The following ASB7 variants were observed in gnomAD, a reference collection of about 807,000 sequenced individuals.
The protein encoded by ASB7 is ankyrin repeat and SOCS box protein 7.
ASB7 carries 4 observed loss-of-function variants against 32.5 expected under a neutral mutation model. That is an observed-to-expected ratio of 0.12 (90% CI 0.06 to 0.28). The LOEUF is 0.28. ASB7 is among the 10% of genes least tolerant of loss of function. The pLI, the probability that ASB7 is intolerant of heterozygous loss-of-function variation, is 1.00. For synonymous variants in ASB7, 172 were observed against 155.6 expected (o/e 1.11, Z -0.78); for missense variants, 181 against 407.1 (o/e 0.44, Z 4.78).
chr15:100,604,506 C>A lies in ASB7; in HGVS notation c.-174+1193C>A, dbSNP rs1309976020. Among the ~76,000 whole-genome samples the A allele has an allele frequency of 2.0e-5, 3 of 152,078 alleles. No homozygotes were observed. In the East Asian group the frequency reaches 5.8e-4, roughly 29 times the overall value. On this transcript the variant is annotated intron_variant, in intron 2 of 5. Transcript: ENST00000332783. ...TTAATATTTTTGATTTCCTATGTTC[C>A]ACTGGACTTTCTGCCCTCCACAAAA...
At chr15:100,626,196 G>A (rs1041853989) in intron 4 of ASB7, among the ~76,000 whole-genome samples, 1 of 152,022 alleles carries the variant, frequency 6.6e-6, no homozygotes, top group Admixed American at 6.6e-5. Context: ...AAATGAAAAA[G>A]CACGCAACAA....
rs1001015336 is a variant in ASB7 at position 100,618,846 on chromosome 15, T to C, written c.211+6419T>C. 1.4e-4 allele frequency among the ~76,000 whole-genome samples: 21 copies of C among 152,208 alleles called. 1 individual carries two copies. The highest frequency in any genetic ancestry group is 1.3e-3 in the Admixed American group (20 of 15,278). ...CGTCATTTGCTGGGGGATGGAGTTA[T>C]AGCCAACATTTATTGAGGGTTTAGT... On this transcript the variant is annotated intron_variant, in intron 4 of 5. Coordinates refer to ENST00000332783, the MANE Select transcript of ASB7 (RefSeq NM_198243.3).
intron 2 of ASB7, among the ~76,000 whole-genome samples, chr15:100,605,992 G>T (rs1475606439): frequency 6.6e-6 from 1 of 152,140 alleles, no homozygotes; most frequent in African/African-American, 2.4e-5. Context: ...ATTTGTTTTG[G>T]ATCATAACCA....
intron 5 of ASB7, among the ~76,000 whole-genome samples, chr15:100,644,750 T>TA (rs2039986199): frequency 6.6e-6 from 1 of 152,194 alleles, no homozygotes; most frequent in South Asian, 2.1e-4. Context: ...AATCCTGACA[T>TA]AGTCTCCTGT....
chr15:100,605,967 A>G (rs982767608), intron 2 of ASB7, among the ~76,000 whole-genome samples: 26 of 152,206 alleles, frequency 1.7e-4, no homozygotes, highest in African/African-American at 6.3e-4. Flanking sequence ...ATTTGGAGGA[A>G]ATACTAATAC....
At chr15:100,637,999 T>C (rs2141404742) in intron 5 of ASB7, among the ~76,000 whole-genome samples, 1 of 152,098 alleles carries the variant, frequency 6.6e-6, no homozygotes, top group South Asian at 2.1e-4. Context: ...TGATTGTGGA[T>C]TTTTTCTTAT....
At chr15:100,628,944 A>G (rs1343263891) in intron 4 of ASB7, among the ~76,000 whole-genome samples, 1 of 152,178 alleles carries the variant, frequency 6.6e-6, no homozygotes, top group Non-Finnish European at 1.5e-5. Flanking sequence ...ACTTTTTTTT[A>G]TTACTTAATA....
chr15:100,606,115 C>T (rs1274424787), intron 2 of ASB7, among the ~76,000 whole-genome samples: 2 of 152,034 alleles, frequency 1.3e-5, no homozygotes, highest in Non-Finnish European at 2.9e-5. Flanking sequence ...CCATGTTCTC[C>T]GTTTTGGTAC....
chr15:100,636,459 G>C (rs772453180), intron 5 of ASB7, among the ~76,000 whole-genome samples: 1 of 152,174 alleles, frequency 6.6e-6, no homozygotes, highest in Non-Finnish European at 1.5e-5. Context: ...GGTGTCTCCT[G>C]TACATCATCC....
intron 2 of ASB7, among the ~76,000 whole-genome samples, chr15:100,607,922 A>G (rs1478064400): frequency 6.6e-6 from 1 of 152,166 alleles, no homozygotes; most frequent in East Asian, 1.9e-4. Flanking sequence ...ACCATTTCCT[A>G]TTCTGCTCAG....
chr15:100,615,132 C>T (rs528515724), intron 4 of ASB7, among the ~76,000 whole-genome samples: 2 of 152,186 alleles, frequency 1.3e-5, no homozygotes, highest in Non-Finnish European at 2.9e-5. Flanking sequence ...GTGTGTAGTA[C>T]GCTGTGCCGT....
At chr15:100,628,014 A>C (rs557837822) in intron 4 of ASB7, among the ~76,000 whole-genome samples, 2 of 152,234 alleles carry the variant, frequency 1.3e-5, no homozygotes, top group African/African-American at 4.8e-5. Flanking sequence ...CTGTGTTAAA[A>C]TGTTCTTACC....
intron 4 of ASB7, among the ~76,000 whole-genome samples, chr15:100,612,798 C>G (rs1470970045): frequency 6.6e-6 from 1 of 152,154 alleles, no homozygotes. Flanking sequence ...ATTGCTTAAG[C>G]GTATAGACCG....
intron 4 of ASB7, among the ~76,000 whole-genome samples, chr15:100,619,785 C>T (rs1235861404): frequency 1.3e-5 from 2 of 152,178 alleles, no homozygotes; most frequent in East Asian, 3.9e-4. Flanking sequence ...AGCGATGTGA[C>T]CACAGGCAGC....
chr15:100,623,683 A>G (rs1271889495), intron 4 of ASB7, among the ~76,000 whole-genome samples: 2 of 152,318 alleles, frequency 1.3e-5, no homozygotes, highest in East Asian at 1.9e-4. Context: ...CATTTCTCAA[A>G]TAAACTAAAA....
chr15:100,607,034 T>G (rs184012548), intron 2 of ASB7, among the ~76,000 whole-genome samples: 3 of 151,984 alleles, frequency 2.0e-5, no homozygotes, highest in African/African-American at 7.2e-5. Context: ...GCTCCTGTAG[T>G]CCCAGCTACT....
At chr15:100,615,216 T>C (rs900594128) in intron 4 of ASB7, among the ~76,000 whole-genome samples, 1 of 152,238 alleles carries the variant, frequency 6.6e-6, no homozygotes, top group Non-Finnish European at 1.5e-5. Context: ...CCTCAGAATG[T>C]ATCCCTGTTG....
intron 5 of ASB7, among the ~76,000 whole-genome samples, chr15:100,633,857 A>G (rs973445691): frequency 5.3e-5 from 8 of 152,308 alleles, no homozygotes; most frequent in Non-Finnish European, 1.2e-4. Flanking sequence ...TCGTGCACAC[A>G]AAGTGGAATA....
intron 4 of ASB7, among the ~76,000 whole-genome samples, chr15:100,619,528 T>C (rs1001537239): frequency 6.6e-6 from 1 of 152,198 alleles, no homozygotes; most frequent in East Asian, 1.9e-4. Context: ...AAGAAAAGAA[T>C]TGCCGTTAAT....
Sources: gnomAD v4.1 joint callset for allele counts (sites outside exome capture counted in the v4.1 genomes callset) on GRCh38, gnomAD v4.1.1 for gene constraint, MANE v1.5 for transcripts, NCBI Gene and HGNC (gene_info 2026-07-23, HGNC 2026-07-21) for gene names.